SHANK2: variants seen among roughly 807,000 people sequenced by gnomAD.
SHANK2 encodes SH3 and multiple ankyrin repeat domains 2, also known as SH3 and multiple ankyrin repeat domains protein 2.
Under a neutral mutation model 133.7 loss-of-function variants are expected in SHANK2, and 43 were observed. That is an observed-to-expected ratio of 0.32 (90% CI 0.25 to 0.41). SHANK2 has a LOEUF of 0.41. Ranked by LOEUF, SHANK2 falls within the 10% of genes least tolerant of loss-of-function variation. The probability of loss-of-function intolerance (pLI) is 1.00; values close to 1 mark genes in which losing one functional copy is unlikely to be tolerated. For missense variants in SHANK2, 1,994 were observed against 2,235.8 expected (o/e 0.89, Z 2.18); for synonymous variants, 1,017 against 952.8 (o/e 1.07, Z -1.24).
At chr11:70,572,229 G>T (rs1335754753) in intron 17 of SHANK2, among the ~76,000 whole-genome samples, 1 of 152,174 alleles carries the variant, frequency 6.6e-6, no homozygotes, top group East Asian at 1.9e-4. Flanking sequence ...GCACGATCTC[G>T]GCTCACTGCA....
At chr11:70,539,340 A>G (rs1177103444) in intron 17 of SHANK2, among the ~76,000 whole-genome samples, 1 of 152,244 alleles carries the variant, frequency 6.6e-6, no homozygotes, top group African/African-American at 2.4e-5. Flanking sequence ...GATGTTCTCC[A>G]TTTAAAGAAA....
intron 1 of SHANK2, among the ~76,000 whole-genome samples, chr11:71,239,364 C>G (rs1954860764): frequency 6.6e-6 from 1 of 152,220 alleles, no homozygotes. Flanking sequence ...CCAACAATGT[C>G]TGCAGATAAT....
chr11:71,098,992 C>G (rs964260174), intron 6 of SHANK2, among the ~76,000 whole-genome samples: 1 of 152,122 alleles, frequency 6.6e-6, no homozygotes, highest in African/African-American at 2.4e-5. Flanking sequence ...ATGAGCCACA[C>G]CAACAGGACG....
intron 14 of SHANK2, among the ~76,000 whole-genome samples, chr11:70,796,456 T>A (rs1453387726): frequency 6.6e-6 from 1 of 152,192 alleles, no homozygotes; most frequent in Admixed American, 6.5e-5. Context: ...GCAGCCAGTG[T>A]GGCTCTGAAG....
chr11:70,950,803 G>A (rs782634142), intron 10 of SHANK2, among the ~76,000 whole-genome samples: 1 of 152,062 alleles, frequency 6.6e-6, no homozygotes, highest in Non-Finnish European at 1.5e-5. Context: ...ATGTGTGGGT[G>A]TGTATGTATG....
chr11:70,936,756 C>T (rs960466261), intron 10 of SHANK2, among the ~76,000 whole-genome samples: 2 of 152,134 alleles, frequency 1.3e-5, no homozygotes, highest in African/African-American at 2.4e-5. Context: ...CCTCGCCTCC[C>T]GGACTCCAGC....
In SHANK2 at chr11:70,500,675, C is replaced by T. The variant is rs576620566; in HGVS notation, c.2288-85G>A. On this transcript the variant is annotated intron_variant, in intron 20 of 25. Transcript: ENST00000601538. This position sits in a 1 kb window ranked among gnomAD's most constrained non-coding sequence, Gnocchi z 4.5. ...ACACTCGGGCCTTGTCAGCTCAGGG[C>T]GCCTCAGGAGCAGGCTGGGCCGGCA... is the stretch of plus-strand genomic sequence containing the variant. The T allele has an allele frequency of 5.0e-5, 77 of 1,546,906 alleles. No homozygotes were observed. The South Asian group carries it at 6.1e-4, about 12-fold the overall frequency.
intron 2 of SHANK2, among the ~76,000 whole-genome samples, chr11:71,155,860 G>C (rs1371354120): frequency 6.6e-6 from 1 of 152,178 alleles, no homozygotes; most frequent in Non-Finnish European, 1.5e-5. Flanking sequence ...GCTCAAATCC[G>C]TATGTGGAAG....
At chr11:70,577,517 G>C (rs772455694) in intron 17 of SHANK2, among the ~76,000 whole-genome samples, 31 of 152,202 alleles carry the variant, frequency 2.0e-4, no homozygotes, top group Non-Finnish European at 4.1e-4. Context: ...AACAGGCGTG[G>C]GGTCCTGGCC....
In SHANK2 at chr11:70,502,748, C is replaced by G. The variant is rs528748469; in HGVS notation, c.2197+48G>C. ...GCTGTCCTGCCCGCCCCCACCCCCC[C>G]CCCCCAGTAGGGCCCCAGGCTGGAG... On this transcript the variant is annotated intron_variant, in intron 18 of 25. Coordinates refer to ENST00000601538, the MANE Select transcript of SHANK2 (RefSeq NM_012309.5). The G allele has an allele frequency of 1.9e-4, 209 of 1,072,038 alleles. 2 individuals are homozygous for G. Among genetic ancestry groups the G allele is most frequent in the African/African-American group, 4.3e-4 (25 of 57,530 alleles). 66.4% of individuals were successfully genotyped at this position (1,072,038 alleles called of 1,614,324 possible). A position where few individuals can be genotyped will look rare whatever the true frequency, so the allele number is the denominator to read the frequency against.
chr11:70,891,351 A>T (rs1264618353), intron 11 of SHANK2, among the ~76,000 whole-genome samples: 1 of 151,956 alleles, frequency 6.6e-6, no homozygotes, highest in African/African-American at 2.4e-5. Context: ...AGATACAAAA[A>T]AGTAGCCGGG....
chr11:70,737,315 G>T (rs888170662), intron 14 of SHANK2, among the ~76,000 whole-genome samples: 6 of 152,154 alleles, frequency 3.9e-5, no homozygotes, highest in African/African-American at 1.4e-4. Flanking sequence ...TGCCTGATCT[G>T]CCTGCCAGCT....
At chr11:70,719,498 C>G (rs2134648905) in intron 14 of SHANK2, among the ~76,000 whole-genome samples, 1 of 152,306 alleles carries the variant, frequency 6.6e-6, no homozygotes, top group East Asian at 1.9e-4. Context: ...GAACCTAACC[C>G]TAATCCTGCC....
intron 11 of SHANK2, among the ~76,000 whole-genome samples, chr11:70,883,711 C>T (rs900758512): frequency 3.3e-5 from 5 of 152,198 alleles, no homozygotes; most frequent in Admixed American, 1.3e-4. Flanking sequence ...GGACCCACGC[C>T]GGAGGCACAG....
chr11:70,886,697 TCACACACACA>T (rs10579290), intron 11 of SHANK2, among the ~76,000 whole-genome samples: 1,986 of 143,550 alleles, frequency 0.014, 43 homozygotes, highest in African/African-American at 0.046. Flanking sequence ...AATCACACAA[TCACACACACA>T]CACACACACA....
chr11:70,530,393 G>A (rs183820460), intron 17 of SHANK2, among the ~76,000 whole-genome samples: 16 of 152,152 alleles, frequency 1.1e-4, no homozygotes, highest in South Asian at 4.2e-4. Flanking sequence ...AAAACTAGCC[G>A]GGTGTGGTGA....
In SHANK2 at chr11:70,487,622, G is replaced by C; in HGVS notation, c.2671C>G (p.Pro891Ala). 1 of 1,606,782 alleles carries C rather than the reference G, an allele frequency of 6.2e-7. No individual in the cohort carries two copies. Reference protein sequence around the residue: ...PDTSEDIPPPPQSVPPSPPPP... With the variant: ...PDTSEDIPPPAQSVPPSPPPP... ...GGTGGGGACGGGGGCACAGACTGCGGTGGAGGGGGGATGTCCTCAGAGGTG... is the reference window on the plus strand; with the variant it reads ...GGTGGGGACGGGGGCACAGACTGCGCTGGAGGGGGGATGTCCTCAGAGGTG... The change falls in exon 25 of 26, where the codon CCG becomes GCG. Residue 891 changes from proline to alanine, a missense_variant. Around this residue, in one of 5 missense-constraint regions of SHANK2, gnomAD observed 488 missense variants for 642.6 expected, o/e 0.76. Transcript: ENST00000601538. This position sits in a 1 kb window ranked among gnomAD's most constrained non-coding sequence, Gnocchi z 5.8.
intron 11 of SHANK2, among the ~76,000 whole-genome samples, chr11:70,836,049 C>T (rs1948810660): frequency 6.6e-6 from 1 of 152,220 alleles, no homozygotes; most frequent in South Asian, 2.1e-4. Context: ...CACCAAGGTG[C>T]AGGAGGGACT....
At chr11:71,147,611 G>C (rs530246030) in intron 2 of SHANK2, among the ~76,000 whole-genome samples, 1 of 152,206 alleles carries the variant, frequency 6.6e-6, no homozygotes, top group Non-Finnish European at 1.5e-5. Flanking sequence ...TACCAGCGCT[G>C]TGAAACCCCG....
Sources: gnomAD v4.1 joint callset for allele counts (sites outside exome capture counted in the v4.1 genomes callset) on GRCh38, gnomAD v4.1.1 for gene constraint, gnomAD v4.1.1 regional missense constraint, Gnocchi (gnomAD v3.1) non-coding constraint, MANE v1.5 for transcripts, NCBI Gene and HGNC (gene_info 2026-07-23, HGNC 2026-07-21) for gene names.